The following USP35 variants were observed in gnomAD, a reference collection of about 807,000 sequenced individuals.
USP35 encodes ubiquitin carboxyl-terminal hydrolase 35.
Under a neutral mutation model 83.8 loss-of-function variants are expected in USP35, and 69 were observed. That is an observed-to-expected ratio of 0.82 (90% CI 0.68 to 1.01). The LOEUF (loss-of-function observed/expected upper bound fraction) is 1.01. USP35 is among the 50% of genes least tolerant of loss of function. The pLI, the probability that USP35 is intolerant of heterozygous loss-of-function variation, is 0.00. For synonymous variants in USP35, 714 were observed against 589.5 expected, an observed-to-expected ratio of 1.21 and a Z score of -3.06; for missense variants, 1,503 against 1,362.5, an observed-to-expected ratio of 1.10 and a Z score of -1.62.
rs1367204704 is a variant in USP35 at position 78,213,755 on chromosome 11, C to T, written c.2999C>T (p.Pro1000Leu). The change falls in exon 11 of 11, where the codon CCA (proline) becomes CTA (leucine). Residue 1000 changes from proline (P) to leucine (L), a missense_variant. Coordinates refer to ENST00000529308, the MANE Select transcript of USP35 (RefSeq NM_020798.4). ...GACAAGGATGAGGATGAAGGCTCTC[C>T]AGGGGGCTGCAATCCTGCAGGTGGC... is the stretch of plus-strand genomic sequence containing the variant. ...DEDKDEDEGS[P>L]GGCNPAGGNG... The T allele has an allele frequency of 1.9e-6, 3 of 1,543,524 alleles. No individual in the cohort carries two copies. Among genetic ancestry groups the T allele is most frequent in the Non-Finnish European group, 2.6e-6 (3 of 1,154,234 alleles).
chr11:78,210,186 A>G lies in USP35; in HGVS notation c.2331A>G (p.Glu777=), dbSNP rs952958809. Residue 777 remains glutamate (E), a synonymous_variant, in exon 10 of 11, where the codon GAA becomes GAG. Coordinates refer to ENST00000529308, the MANE Select transcript of USP35 (RefSeq NM_020798.4). ...TGTCCCCCGAGAAGCTGACAGCAGA[A>G]AACCGCTACTACTGCGAGTCGTGTG... is the stretch of plus-strand genomic sequence containing the variant. ...YFLSPEKLTA[E]NRYYCESCAS... The G allele has an allele frequency of 5.6e-6, 9 of 1,613,644 alleles. No individual in the cohort carries two copies. The highest frequency in any genetic ancestry group is 7.6e-6 in the Non-Finnish European group (9 of 1,179,734).
intron 1 of USP35, among the ~76,000 whole-genome samples, chr11:78,193,750 C>T (rs1452754019): frequency 6.6e-6 from 1 of 152,156 alleles, no homozygotes; most frequent in South Asian, 2.1e-4. Flanking sequence ...TCAAAAACAA[C>T]AACAACAACA....
At chr11:78,223,586 T>C in the USP35 span, 1 of 1,613,792 alleles carries the variant, frequency 6.2e-7, no homozygotes, top group South Asian at 1.1e-5. Context: ...GCTCGTTCCA[T>C]GGCCAACAGG....
chr11:78,224,223 G>A, the USP35 span, among the ~76,000 whole-genome samples: 2 of 152,288 alleles, frequency 1.3e-5, no homozygotes, highest in South Asian at 2.1e-4. Flanking sequence ...CTTGGTGACT[G>A]GGTCCACTTG....
chr11:78,224,091 AAAAT>A, the USP35 span, among the ~76,000 whole-genome samples: 5 of 152,192 alleles, frequency 3.3e-5, no homozygotes, highest in South Asian at 8.3e-4. Context: ...CAAAAAATAA[AAAAT>A]AAAAAAAAGG....
chr11:78,209,919 G>A lies in USP35; in HGVS notation c.2064G>A (p.Thr688=), dbSNP rs772641055. The change falls in exon 10 of 11, where the codon ACG becomes ACA. Residue 688 remains threonine, a synonymous_variant. Coordinates refer to ENST00000529308, the MANE Select transcript of USP35 (RefSeq NM_020798.4). ...EREEEGKEER[T]EKEEVGEEEE... is the part of the protein sequence containing the mutation. The stretch of plus-strand genomic sequence containing the variant: ...AGGAAGAAGGGAAGGAGGAGAGAAC[G>A]GAGAAGGAAGAAGTGGGGGAGGAGG... The A allele has an allele frequency of 1.0e-5, 16 of 1,601,382 alleles. No homozygotes were observed. Among genetic ancestry groups the A allele is most frequent in the Middle Eastern group, 1.7e-4 (1 of 6,040 alleles).
At chr11:78,224,453 C>G in the USP35 span, among the ~76,000 whole-genome samples, 4 of 152,182 alleles carry the variant, frequency 2.6e-5, no homozygotes, top group African/African-American at 9.6e-5. Flanking sequence ...ACCTGGGGCT[C>G]ACTCCAGGCA....
intron 9 of USP35, 33 bp downstream of exon 9, chr11:78,208,996 G>T: frequency 6.2e-6 from 10 of 1,601,706 alleles, no homozygotes; most frequent in Non-Finnish European, 7.7e-6. Flanking sequence ...AAGACTCCAG[G>T]TCTAGAGGGT....
downstream of USP35, chr11:78,216,406 C>A (rs1864149859): frequency 6.6e-6 from 1 of 152,180 alleles, no homozygotes; most frequent in Non-Finnish European, 1.5e-5. Flanking sequence ...GTTTTTTCAA[C>A]TGAGTTGACT....
At chr11:78,193,737 G>A (rs76925219) in intron 1 of USP35, among the ~76,000 whole-genome samples, 18 of 133,840 alleles carry the variant, frequency 1.3e-4, no homozygotes, top group African/African-American at 4.5e-4. Context: ...CACATTCAAA[G>A]AGTCAAAAAC....
At chr11:78,229,182 G>C in the USP35 span, among the ~76,000 whole-genome samples, 1 of 152,196 alleles carries the variant, frequency 6.6e-6, no homozygotes, top group African/African-American at 2.4e-5. Context: ...CTCCTTCAGA[G>C]ATGTTTTATC....
At chr11:78,200,062 C>G in intron 4 of USP35, 71 bp from the exon 5 acceptor site, 8 of 1,543,682 alleles carry the variant, frequency 5.2e-6, no homozygotes, top group Non-Finnish European at 7.2e-6. Context: ...TGAGTCCCCT[C>G]TCAGGCTTGT....
chr11:78,226,808 A>G, the USP35 span: 1 of 1,614,010 alleles, frequency 6.2e-7, no homozygotes, highest in Non-Finnish European at 8.5e-7. Flanking sequence ...CATCCTCATT[A>G]TCTGTCTCGG....
chr11:78,221,080 G>A, the USP35 span, among the ~76,000 whole-genome samples: 1,663 of 152,094 alleles, frequency 0.011, 40 homozygotes, highest in African/African-American at 0.038. Flanking sequence ...ATCCAGGCTC[G>A]TGCTCTAGCA....
intron 10 of USP35, among the ~76,000 whole-genome samples, chr11:78,212,041 C>T (rs181553164): frequency 3.9e-4 from 60 of 152,234 alleles, no homozygotes; most frequent in Non-Finnish European, 5.6e-4. Context: ...ATGGTATTTC[C>T]TAGATTTTCT....
the USP35 span, among the ~76,000 whole-genome samples, chr11:78,228,620 TA>T: frequency 6.6e-6 from 1 of 152,172 alleles, no homozygotes. Flanking sequence ...AACAGGTGTG[TA>T]AAGCCAGGCT....
the USP35 span, among the ~76,000 whole-genome samples, chr11:78,227,631 C>CAAAAAAAAAAAAAAAAAAA: frequency 2.5e-4 from 27 of 106,082 alleles, no homozygotes; most frequent in East Asian, 9.3e-4. Context: ...CCATTGCCAC[C>CAAAAAAAAAAAAAAAAAAA]AAAAAAAAAA....
At chr11:78,234,960 AGATCAT>A in the USP35 span, among the ~76,000 whole-genome samples, 1 of 151,912 alleles carries the variant, frequency 6.6e-6, no homozygotes, top group African/African-American at 2.4e-5. Context: ...CAATGAGCTG[AGATCAT>A]GCCACTGCAT....
downstream of USP35, chr11:78,219,073 G>A: frequency 1.8e-6 from 1 of 557,532 alleles, no homozygotes; most frequent in Non-Finnish European, 3.2e-6. Flanking sequence ...TGGGCCCCGA[G>A]TGGGCAGAGG....
Sources: allele counts gnomAD v4.1 joint callset (sites outside exome capture counted in the v4.1 genomes callset), GRCh38; gene constraint gnomAD v4.1.1; transcripts MANE v1.5; gene names NCBI Gene and HGNC (gene_info 2026-07-23, HGNC 2026-07-21).